The following TMEM270 variants were observed in gnomAD, a reference collection of about 807,000 sequenced individuals.
The protein encoded by TMEM270 is transmembrane protein 270.
Under a neutral mutation model 29.9 loss-of-function variants are expected in TMEM270, and 30 were observed. The ratio of observed to expected loss-of-function variants is 1.00; its 90% confidence interval spans 0.75 to 1.36. The LOEUF is 1.36. Among genes scored for constraint, TMEM270 ranks in the 40% most tolerant of loss-of-function variants. The pLI, the probability that TMEM270 is intolerant of heterozygous loss-of-function variation, is 0.00. For missense variants in TMEM270, 313 were observed against 307.1 expected, an observed-to-expected ratio of 1.02 and a Z score of -0.14; for synonymous variants, 135 against 139.8, an observed-to-expected ratio of 0.97 and a Z score of 0.24.
intron 1 of TMEM270, among the ~76,000 whole-genome samples, chr7:73,861,935 A>T (rs1224108227): frequency 1.3e-5 from 2 of 148,986 alleles, no homozygotes; most frequent in Admixed American, 1.3e-4. Flanking sequence ...AGTAGCTGGG[A>T]CTACAGGCAC....
intron 1 of TMEM270, among the ~76,000 whole-genome samples, chr7:73,862,617 T>C (rs1304726906): frequency 2.6e-5 from 4 of 151,538 alleles, no homozygotes; most frequent in African/African-American, 7.3e-5. Flanking sequence ...TCCCAGCACT[T>C]TGGGAGGCCG....
intron 2 of TMEM270, 75 bp from the exon 3 acceptor site, chr7:73,865,502 G>C: frequency 1.3e-6 from 2 of 1,578,694 alleles, no homozygotes; most frequent in South Asian, 1.2e-5. Flanking sequence ...TGGGCTTGCA[G>C]GGGGGAGCCA....
Position 73,864,114 on chromosome 7 carries a change from C to CAAAA in TMEM270, c.73-859_73-856dup, listed in dbSNP as rs34181696. On this transcript the variant is annotated intron_variant, in intron 1 of 2. Coordinates refer to ENST00000320531, the MANE Select transcript of TMEM270 (RefSeq NM_182504.4). Reference sequence around the variant, plus strand: ...ATAACATAGCAAGACCCCGCCTCTACAAAAAAAAAAAAAAAAAAAAAAATT... The same window carrying CAAAA: ...ATAACATAGCAAGACCCCGCCTCTACAAAAAAAAAAAAAAAAAAAAAAAAAAATT... 3.5e-4 allele frequency among the ~76,000 whole-genome samples: 28 copies of CAAAA among 80,964 alleles called. 1 individual carries two copies. Among genetic ancestry groups the CAAAA allele is most frequent in the Admixed American group, 1.1e-3 (7 of 6,310 alleles). The allele number at this position is 80,964 out of a possible 152,430, so 53.1% of individuals were successfully genotyped here.
chr7:73,865,606 G>T lies in TMEM270; in HGVS notation c.531G>T (p.Lys177Asn). 3 of 1,614,074 alleles carry T rather than the reference G, an allele frequency of 1.9e-6. No individual in the cohort carries two copies. The highest frequency in any genetic ancestry group is 2.5e-6 in the Non-Finnish European group (3 of 1,179,944). ...TGCAAGTGAACTGCGTGGTAAGGAAGCTCCTGGTACAGCTGAGACGTCTGT... is the reference window on the plus strand; with the variant it reads ...TGCAAGTGAACTGCGTGGTAAGGAATCTCCTGGTACAGCTGAGACGTCTGT... ...KALQVNCVVR[K>N]LLVQLRRLYW... The change falls in exon 3 of 3, where the codon AAG becomes AAT. Residue 177 changes from lysine (K) to asparagine (N), a missense_variant. Lys to Asn is a moderately conservative substitution (Grantham distance 94). Transcript: ENST00000320531.
chr7:73,861,036 G>T, upstream of TMEM270: 1 of 706,484 alleles, frequency 1.4e-6, no homozygotes, highest in Non-Finnish European at 2.5e-6. Context: ...GCTCAGACGT[G>T]GACTGAGGTT....
intron 1 of TMEM270, among the ~76,000 whole-genome samples, chr7:73,864,581 G>A (rs1437958973): frequency 6.6e-6 from 1 of 152,036 alleles, no homozygotes; most frequent in African/African-American, 2.4e-5. Context: ...GACTCAAGGT[G>A]GTCCAGCAGC....
intron 1 of TMEM270, among the ~76,000 whole-genome samples, chr7:73,862,110 C>G (rs1396364420): frequency 2.0e-5 from 3 of 149,844 alleles, no homozygotes; most frequent in African/African-American, 4.9e-5. Flanking sequence ...TCATCTCTCT[C>G]TCTTTTTTTT....
In TMEM270 at chr7:73,865,133, C is replaced by A. The variant is rs781813177; in HGVS notation, c.213C>A (p.Cys71Ter). ...ACCTACCCCTGGGAGCTGCAGCCTG[C>A]CCCCTGGGCCAGGCTCTCTGGGCTG... Reference protein sequence around the residue: ...QAHLPLGAAACPLGQALWAGL... With the variant: ...QAHLPLGAAA The change falls in exon 2 of 3, where the codon TGC (cysteine) becomes TGA (stop). Residue 71 changes from cysteine to a stop codon, truncating the protein, a stop_gained. Coordinates refer to ENST00000320531, the MANE Select transcript of TMEM270 (RefSeq NM_182504.4). LOFTEE classifies it high-confidence loss of function. The A allele has an allele frequency of 1.7e-4, 274 of 1,603,126 alleles. 1 individual carries two copies. Among genetic ancestry groups the A allele is most frequent in the Non-Finnish European group, 2.0e-4 (231 of 1,173,776 alleles).
intron 1 of TMEM270, chr7:73,861,636 G>T: frequency 2.8e-6 from 1 of 358,696 alleles, no homozygotes; most frequent in Non-Finnish European, 5.6e-6. Context: ...TTGTAGAGAT[G>T]GTGTCTCACT....
chr7:73,862,825 A>G (rs1362880122), intron 1 of TMEM270, among the ~76,000 whole-genome samples: 2 of 129,952 alleles, frequency 1.5e-5, no homozygotes, highest in Non-Finnish European at 3.1e-5. Context: ...CCACCATTGC[A>G]CTCCAGCCTG....
chr7:73,861,148 G>C, upstream of TMEM270: 1 of 1,600,106 alleles, frequency 6.2e-7, no homozygotes, highest in Non-Finnish European at 8.6e-7. Flanking sequence ...TGGCATCTGT[G>C]AGGTCACCCT....
intron 1 of TMEM270, among the ~76,000 whole-genome samples, chr7:73,864,114 C>CCA (rs1554639620): frequency 6.2e-5 from 5 of 81,018 alleles, no homozygotes; most frequent in African/African-American, 2.5e-4. Context: ...CCCGCCTCTA[C>CCA]AAAAAAAAAA....
At chr7:73,864,144 G>A (rs1415969717) in intron 1 of TMEM270, among the ~76,000 whole-genome samples, 4 of 146,420 alleles carry the variant, frequency 2.7e-5, no homozygotes, top group Admixed American at 6.9e-5. Flanking sequence ...AAAATTAGCT[G>A]GACTTAGTGA....
In TMEM270 at chr7:73,861,295, G is replaced by A; in HGVS notation, c.72+29G>A. 4.5e-6 allele frequency: 7 copies of A among 1,572,474 alleles called. 1 individual carries two copies. Among genetic ancestry groups the A allele is most frequent in the Non-Finnish European group, 5.2e-6 (6 of 1,146,396 alleles). Reference sequence around the variant, plus strand: ...AGTGGGGGCTGGGGGTAAGTGGGGTGGGGACCACACACCAGGCCCTTCACA... The same window carrying A: ...AGTGGGGGCTGGGGGTAAGTGGGGTAGGGACCACACACCAGGCCCTTCACA... On this transcript the variant is annotated intron_variant, in intron 1 of 2. Transcript: ENST00000320531.
At chr7:73,861,360 C>T (rs1788772090) in intron 1 of TMEM270, 94 bp downstream of exon 1, 6 of 1,246,712 alleles carry the variant, frequency 4.8e-6, no homozygotes, top group Non-Finnish European at 6.8e-6. Context: ...CCTGCCTGTC[C>T]CATCCAGTGG....
Position 73,861,734 on chromosome 7 carries a change from A to C in TMEM270, c.72+468A>C. 8 of 233,840 alleles carry C rather than the reference A, an allele frequency of 3.4e-5. No individual in the cohort carries two copies. The South Asian group carries it at 4.2e-4, about 12-fold the overall frequency. The allele number at this position is 233,840 out of a possible 1,614,324, so 14.5% of individuals were successfully genotyped here. On this transcript the variant is annotated intron_variant, in intron 1 of 2. Transcript: ENST00000320531. ...GGTGCTGGGATTATAGGTGTGAGCC[A>C]CCGCACCTGGCAGCATTTTCTCTAT...
Position 73,865,399 on chromosome 7 carries a change from G to T in TMEM270, c.479G>T (p.Arg160Leu), listed in dbSNP as rs782678229. Residue 160 changes from arginine (R) to leucine (L), a missense_variant, in exon 2 of 3, where the codon CGA becomes CTA. Transcript: ENST00000320531. ...GTGTGTCAGAAGTCCCACTGCTTCC[G>T]ACTGGGCAGGCAGCTCAGTAAGGTG... Reference protein sequence around the residue: ...WRVCQKSHCFRLGRQLSKALQ... With the variant: ...WRVCQKSHCFLLGRQLSKALQ... 6 of 1,612,044 alleles carry T rather than the reference G, an allele frequency of 3.7e-6. No homozygotes were observed. The highest frequency in any genetic ancestry group is 4.2e-6 in the Non-Finnish European group (5 of 1,178,864).
At position 73,865,398 on chromosome 7, in the gene TMEM270, C is replaced by T. The variant is rs782531320; in HGVS notation, c.478C>T (p.Arg160Ter). 17 of 1,611,984 alleles carry T rather than the reference C, an allele frequency of 1.1e-5. No individual in the cohort carries two copies. The highest frequency in any genetic ancestry group is 1.3e-5 in the African/African-American group (1 of 74,824). ...GGTGTGTCAGAAGTCCCACTGCTTC[C>T]GACTGGGCAGGCAGCTCAGTAAGGT... ...WRVCQKSHCF[R>*]LGRQLSKALQ... The change falls in exon 2 of 3, where the codon CGA becomes TGA. Residue 160 changes from arginine to a stop codon, truncating the protein, a stop_gained. Transcript: ENST00000320531. LOFTEE classifies it high-confidence loss of function.
intron 1 of TMEM270, among the ~76,000 whole-genome samples, chr7:73,861,965 AT>A (rs782611152): frequency 3.6e-3 from 491 of 137,344 alleles, no homozygotes; most frequent in Middle Eastern, 3.8e-3. Context: ...TCCCTGGCTA[AT>A]TTTTTTTTTT....
Sources: allele counts gnomAD v4.1 joint callset (sites outside exome capture counted in the v4.1 genomes callset), GRCh38; gene constraint gnomAD v4.1.1; transcripts MANE v1.5; gene names NCBI Gene and HGNC (gene_info 2026-07-23, HGNC 2026-07-21).